The following CDH13 variants were observed in gnomAD, a reference collection of about 807,000 sequenced individuals.
CDH13 encodes the protein cadherin 13.
A neutral mutation model predicts 63.8 loss-of-function variants in CDH13; 24 were observed. That is an observed-to-expected ratio of 0.38 (90% CI 0.27 to 0.53). The LOEUF is 0.53. CDH13 is among the 20% of genes least tolerant of loss of function. CDH13 has a pLI of 0.85. For synonymous variants in CDH13, 503 were observed against 355.3 expected (o/e 1.42, Z -4.67); for missense variants, 1,049 against 903.1 (o/e 1.16, Z -2.07).
chr16:82,713,455 C>T (rs1810975662), intron 1 of CDH13, among the ~76,000 whole-genome samples: 2 of 152,096 alleles, frequency 1.3e-5, no homozygotes, highest in South Asian at 2.1e-4. Context: ...AAACCCTTTC[C>T]CTGCCTGCCC....
chr16:82,668,758 C>T (rs552910139), intron 1 of CDH13, among the ~76,000 whole-genome samples: 158 of 152,274 alleles, frequency 1.0e-3, no homozygotes, highest in African/African-American at 3.5e-3. Flanking sequence ...CTGGAATGCT[C>T]TAAGTTGTGT....
At chr16:83,621,510 G>A in intron 8 of CDH13, among the ~76,000 whole-genome samples, 1 of 49,764 alleles carries the variant, frequency 2.0e-5, no homozygotes, top group East Asian at 4.5e-4. Context: ...TTTTTGAGAT[G>A]GAGTTTCACT....
chr16:83,486,534 C>T lies in CDH13; in HGVS notation c.839C>T (p.Ala280Val), dbSNP rs779026870. Residue 280 changes from alanine to valine, a missense_variant, in exon 7 of 14, where the codon GCC (alanine) becomes GTC (valine). Coordinates refer to ENST00000567109, the MANE Select transcript of CDH13 (RefSeq NM_001257.5). Reference protein sequence around the residue: ...FDADDPATDNALLRYNIRQQT... With the variant: ...FDADDPATDNVLLRYNIRQQT... ...GCAGATGACCCAGCCACCGATAATG[C>T]CCTCCTGCGGTATAATATCCGTCAG... The T allele has an allele frequency of 1.9e-6, 3 of 1,613,828 alleles. No homozygotes were observed. Among genetic ancestry groups the T allele is most frequent in the Non-Finnish European group, 1.7e-6 (2 of 1,179,772 alleles).
At chr16:82,936,230 C>T (rs185897359) in intron 2 of CDH13, among the ~76,000 whole-genome samples, 2 of 152,284 alleles carry the variant, frequency 1.3e-5, no homozygotes, top group East Asian at 1.9e-4. Context: ...CTCAACTTTA[C>T]ATTTTCTTTG....
At chr16:82,846,281 C>T (rs1263623174) in intron 1 of CDH13, among the ~76,000 whole-genome samples, 1 of 152,040 alleles carries the variant, frequency 6.6e-6, no homozygotes, top group Admixed American at 6.5e-5. Context: ...CATGTTGTTC[C>T]TTCTTCTTTA....
intron 3 of CDH13, among the ~76,000 whole-genome samples, chr16:83,034,325 C>G (rs369270865): frequency 6.6e-6 from 1 of 152,104 alleles, no homozygotes; most frequent in Non-Finnish European, 1.5e-5. Context: ...CTTCACAATT[C>G]CCCTTCAGCA....
chr16:83,013,179 A>G (rs781213562), intron 2 of CDH13, among the ~76,000 whole-genome samples: 1 of 152,240 alleles, frequency 6.6e-6, no homozygotes, highest in African/African-American at 2.4e-5. Context: ...TTCTGTTGCA[A>G]CTATCCAACT....
intron 2 of CDH13, among the ~76,000 whole-genome samples, chr16:82,921,763 G>A (rs1026011972): frequency 3.9e-5 from 6 of 152,088 alleles, no homozygotes; most frequent in African/African-American, 1.2e-4. Context: ...TGGCCTCATA[G>A]AATGAGTTGG....
intron 10 of CDH13, among the ~76,000 whole-genome samples, chr16:83,707,836 CAAAAAAAAA>C (rs61067563): frequency 8.9e-5 from 7 of 78,892 alleles, no homozygotes; most frequent in Admixed American, 1.7e-4. Context: ...ACCCTAAAGG[CAAAAAAAAA>C]AAAAAAAAAA....
At chr16:83,103,013 C>T (rs562947973) in intron 3 of CDH13, among the ~76,000 whole-genome samples, 52 of 123,806 alleles carry the variant, frequency 4.2e-4, no homozygotes, top group African/African-American at 1.6e-3. Flanking sequence ...AGTGCAGTGG[C>T]ACAATCTCAG....
In CDH13 at chr16:82,791,940, C is replaced by T. The variant is rs534062391; in HGVS notation, c.46-66422C>T. Among the ~76,000 whole-genome samples the T allele has an allele frequency of 2.5e-4, 38 of 152,246 alleles. No individual in the cohort carries two copies. The South Asian group carries it at 4.4e-3, about 17-fold the overall frequency. ...GCTGCCATCTTGGGAGCGGCCCGCC[C>T]CATCTTGGGAGCTCTAAGAACAAAG... is the stretch of plus-strand genomic sequence containing the variant. On this transcript the variant is annotated intron_variant, in intron 1 of 13. Transcript: ENST00000567109.
chr16:83,582,388 T>G (rs1008017012), intron 7 of CDH13, among the ~76,000 whole-genome samples: 19 of 152,226 alleles, frequency 1.2e-4, no homozygotes, highest in South Asian at 1.0e-3. Context: ...GAGAGGTTTT[T>G]TTTGTTTGTT....
At chr16:83,687,198 G>C (rs1261806240) in intron 10 of CDH13, among the ~76,000 whole-genome samples, 4 of 152,044 alleles carry the variant, frequency 2.6e-5, no homozygotes, top group Non-Finnish European at 5.9e-5. Flanking sequence ...GGGTGACAGA[G>C]TGAGACTTCG....
chr16:83,097,540 G>A (rs989406013), intron 3 of CDH13, among the ~76,000 whole-genome samples: 1 of 152,174 alleles, frequency 6.6e-6, no homozygotes, highest in Non-Finnish European at 1.5e-5. Context: ...CACTGGTGCA[G>A]CCAATACCCC....
chr16:82,732,371 A>T (rs2033448991), intron 1 of CDH13, among the ~76,000 whole-genome samples: 1 of 152,182 alleles, frequency 6.6e-6, no homozygotes, highest in Non-Finnish European at 1.5e-5. Context: ...AATGGCTGTC[A>T]CTCAACTACA....
chr16:83,705,773 T>A (rs1415375817), intron 10 of CDH13, among the ~76,000 whole-genome samples: 2 of 152,202 alleles, frequency 1.3e-5, no homozygotes, highest in Non-Finnish European at 2.9e-5. Flanking sequence ...CACCATTCAT[T>A]CTACATCTGA....
At chr16:83,358,858 C>T (rs1473874907) in intron 6 of CDH13, among the ~76,000 whole-genome samples, 3 of 152,002 alleles carry the variant, frequency 2.0e-5, no homozygotes, top group African/African-American at 7.3e-5. Flanking sequence ...TAAAAAAAAC[C>T]CCACTGCCTT....
intron 11 of CDH13, among the ~76,000 whole-genome samples, chr16:83,776,826 A>G (rs1238089059): frequency 6.6e-6 from 1 of 152,180 alleles, no homozygotes; most frequent in Non-Finnish European, 1.5e-5. Flanking sequence ...GGGGTCTCTC[A>G]GGATTCCGTA....
chr16:83,678,999 C>A (rs930847143), intron 10 of CDH13, among the ~76,000 whole-genome samples: 3 of 152,184 alleles, frequency 2.0e-5, no homozygotes, highest in Admixed American at 1.3e-4. Flanking sequence ...TGCTCACTGA[C>A]TCTGAGCTGC....
Sources: gnomAD v4.1 joint callset for allele counts (sites outside exome capture counted in the v4.1 genomes callset) on GRCh38, gnomAD v4.1.1 for gene constraint, MANE v1.5 for transcripts, NCBI Gene and HGNC (gene_info 2026-07-23, HGNC 2026-07-21) for gene names.